LRMDA: variants seen among roughly 807,000 people sequenced by gnomAD.
LRMDA encodes leucine-rich melanocyte differentiation-associated protein.
Under a neutral mutation model 29.8 loss-of-function variants are expected in LRMDA, and 18 were observed. The observed-to-expected ratio is 0.60, with a 90% CI of 0.42 to 0.90. LRMDA has a LOEUF of 0.90. LRMDA is among the 40% of genes least tolerant of loss of function. The pLI, the probability that LRMDA is intolerant of heterozygous loss-of-function variation, is 0.00. For synonymous variants in LRMDA, 125 were observed against 109.4 expected (o/e 1.14, Z -0.89); for missense variants, 273 against 273.9 (o/e 1.00, Z 0.02).
intron 2 of LRMDA, among the ~76,000 whole-genome samples, chr10:75,467,674 C>G (rs78996857): frequency 0.025 from 3,732 of 152,092 alleles, 71 homozygotes; most frequent in South Asian, 0.049. Flanking sequence ...ATCAAGATCG[C>G]AAAGTTGGGC....
intron 5 of LRMDA, among the ~76,000 whole-genome samples, chr10:76,078,061 A>G (rs1475184073): frequency 3.6e-5 from 4 of 110,298 alleles, no homozygotes; most frequent in Non-Finnish European, 6.6e-5. Context: ...CCCAGGCTGT[A>G]TTGCAGTGGT....
chr10:75,662,379 G>A (rs550403617), intron 2 of LRMDA, among the ~76,000 whole-genome samples: 4 of 152,218 alleles, frequency 2.6e-5, no homozygotes, highest in South Asian at 2.1e-4. Flanking sequence ...GTAATCCTTC[G>A]GAAAGCGACA....
chr10:76,456,971 T>A (rs896217362), intron 6 of LRMDA, among the ~76,000 whole-genome samples: 1 of 152,162 alleles, frequency 6.6e-6, no homozygotes, highest in Non-Finnish European at 1.5e-5. Flanking sequence ...TGAGTGTTGG[T>A]TTTTTCAAAT....
At position 75,941,785 on chromosome 10, in the gene LRMDA, T is replaced by C. The variant is rs914871045; in HGVS notation, c.132-94223T>C. 5.9e-5 allele frequency among the ~76,000 whole-genome samples: 9 copies of C among 152,272 alleles called. No individual in the cohort carries two copies. The East Asian group carries it at 1.7e-3, about 29-fold the overall frequency. ...TGACAATCATGCCATGTGGACAGTA[T>C]CCAGGCCCTCCTTCCATCTCTTGAG... On this transcript the variant is annotated intron_variant, in intron 2 of 6. Coordinates refer to ENST00000611255, the MANE Select transcript of LRMDA (RefSeq NM_001305581.2).
chr10:76,158,539 A>G (rs1263886054), intron 5 of LRMDA, among the ~76,000 whole-genome samples: 1 of 152,228 alleles, frequency 6.6e-6, no homozygotes, highest in Non-Finnish European at 1.5e-5. Flanking sequence ...TTTTTTAAAG[A>G]GAACGTACTA....
At chr10:75,470,025 T>G (rs575909807) in intron 2 of LRMDA, among the ~76,000 whole-genome samples, 36 of 152,268 alleles carry the variant, frequency 2.4e-4, no homozygotes, top group African/African-American at 8.2e-4. Context: ...TGGATGCACC[T>G]CTCCCCTTTA....
chr10:75,874,824 AT>A (rs1353295373), intron 2 of LRMDA, among the ~76,000 whole-genome samples: 5 of 152,238 alleles, frequency 3.3e-5, no homozygotes, highest in Admixed American at 1.3e-4. Context: ...GTCACAGAAG[AT>A]GAGGTCCTCT....
Position 75,628,911 on chromosome 10 carries a change from A to G in LRMDA, c.131+190417A>G, listed in dbSNP as rs1350694243. On this transcript the variant is annotated intron_variant, in intron 2 of 6. Coordinates refer to ENST00000611255, the MANE Select transcript of LRMDA (RefSeq NM_001305581.2). ...GTGGCATCACTGCCTTAGAGTACCC[A>G]AGAAAGCCAGCAGCCTCCTCATTGC... Among the ~76,000 whole-genome samples the G allele has an allele frequency of 2.0e-5, 3 of 152,324 alleles. No homozygotes were observed. In the East Asian group the frequency reaches 5.8e-4, roughly 29 times the overall value.
At chr10:76,230,550 A>G (rs1056223183) in intron 5 of LRMDA, among the ~76,000 whole-genome samples, 3 of 137,214 alleles carry the variant, frequency 2.2e-5, no homozygotes, top group African/African-American at 7.8e-5. Flanking sequence ...CACTGTTAAG[A>G]GGGCAAAAAA....
At chr10:76,224,087 G>C (rs1851903295) in intron 5 of LRMDA, among the ~76,000 whole-genome samples, 1 of 152,064 alleles carries the variant, frequency 6.6e-6, no homozygotes, top group African/African-American at 2.4e-5. Flanking sequence ...GCATCACAGT[G>C]GTTGCTAAGC....
At chr10:75,634,582 AG>A (rs1461041706) in intron 2 of LRMDA, among the ~76,000 whole-genome samples, 10 of 152,236 alleles carry the variant, frequency 6.6e-5, no homozygotes, top group African/African-American at 2.4e-4. Context: ...TGCCCGCCCC[AG>A]TGGGCATTTG....
At chr10:75,969,202 A>G (rs917897339) in intron 2 of LRMDA, among the ~76,000 whole-genome samples, 4 of 152,154 alleles carry the variant, frequency 2.6e-5, no homozygotes, top group African/African-American at 9.7e-5. Flanking sequence ...CCACAAAGAC[A>G]CTTGGAGGTT....
At chr10:75,481,892 C>T (rs145697880) in intron 2 of LRMDA, among the ~76,000 whole-genome samples, 4 of 152,170 alleles carry the variant, frequency 2.6e-5, no homozygotes, top group Non-Finnish European at 5.9e-5. Flanking sequence ...CTTACCCCCA[C>T]CTTTCCACCT....
intron 2 of LRMDA, among the ~76,000 whole-genome samples, chr10:76,020,132 C>T (rs753207527): frequency 6.6e-6 from 1 of 152,216 alleles, no homozygotes; most frequent in Non-Finnish European, 1.5e-5. Context: ...GGCTGCTTGG[C>T]AGCTTTGCCT....
intron 2 of LRMDA, among the ~76,000 whole-genome samples, chr10:76,012,602 C>T (rs558621282): frequency 2.0e-5 from 3 of 152,282 alleles, no homozygotes; most frequent in South Asian, 4.1e-4. Flanking sequence ...AATTATAAAG[C>T]ATAGGAACAA....
intron 5 of LRMDA, among the ~76,000 whole-genome samples, chr10:76,251,664 C>T (rs957374100): frequency 6.6e-6 from 1 of 152,204 alleles, no homozygotes; most frequent in Non-Finnish European, 1.5e-5. Flanking sequence ...CCACATTTGT[C>T]AAGACAAAGG....
intron 2 of LRMDA, among the ~76,000 whole-genome samples, chr10:75,541,872 A>G (rs1220499398): frequency 6.6e-6 from 1 of 152,148 alleles, no homozygotes; most frequent in African/African-American, 2.4e-5. Context: ...TGAGGGGGAC[A>G]TGTCTCTCCC....
intron 5 of LRMDA, among the ~76,000 whole-genome samples, chr10:76,194,843 C>T (rs995239465): frequency 4.6e-5 from 7 of 152,194 alleles, no homozygotes; most frequent in African/African-American, 1.4e-4. Flanking sequence ...AAGCAAGCTT[C>T]CTTTCTTTGC....
chr10:76,494,713 C>T (rs770448009), intron 6 of LRMDA, among the ~76,000 whole-genome samples: 2 of 151,654 alleles, frequency 1.3e-5, no homozygotes, highest in Non-Finnish European at 2.9e-5. Context: ...GATTTGAGAT[C>T]TTTCTTTTTT....
Sources: allele counts gnomAD v4.1 joint callset (sites outside exome capture counted in the v4.1 genomes callset), GRCh38; gene constraint gnomAD v4.1.1; transcripts MANE v1.5; gene names NCBI Gene and HGNC (gene_info 2026-07-23, HGNC 2026-07-21).